The following RHEX variants were observed in gnomAD, a reference collection of about 807,000 sequenced individuals.
The protein encoded by RHEX is regulator of hemoglobinization and erythroid cell expansion, also known as regulator of hemoglobinization and erythroid cell expansion protein.
In RHEX, 18 loss-of-function variants were observed where a neutral mutation model predicts 20.1. The ratio of observed to expected loss-of-function variants is 0.90; its 90% confidence interval spans 0.62 to 1.33. The LOEUF (loss-of-function observed/expected upper bound fraction) is 1.33. Among genes scored for constraint, RHEX ranks in the 40% most tolerant of loss-of-function variants. The pLI is 0.00. For synonymous variants in RHEX, 87 were observed against 77.1 expected, an observed-to-expected ratio of 1.13 and a Z score of -0.67; for missense variants, 192 against 214.3, an observed-to-expected ratio of 0.90 and a Z score of 0.65.
intron 1 of RHEX, among the ~76,000 whole-genome samples, chr1:206,065,734 C>A (rs1240651327): frequency 1.3e-5 from 2 of 152,176 alleles, no homozygotes; most frequent in Non-Finnish European, 2.9e-5. Flanking sequence ...TCACCAGGAC[C>A]AGCATGTTGG....
At chr1:206,092,492 C>T (rs1231970815) in intron 1 of RHEX, among the ~76,000 whole-genome samples, 1 of 152,122 alleles carries the variant, frequency 6.6e-6, no homozygotes, top group Non-Finnish European at 1.5e-5. Flanking sequence ...ACTCCAGGTT[C>T]TTTGTCTTTA....
intron 1 of RHEX, among the ~76,000 whole-genome samples, chr1:206,078,365 C>T (rs1416743872): frequency 1.3e-5 from 2 of 151,916 alleles, no homozygotes; most frequent in Non-Finnish European, 2.9e-5. Flanking sequence ...CATAGTGAGA[C>T]CTCGTAGCTA....
At chr1:206,094,766 C>T (rs1464726322) in intron 1 of RHEX, among the ~76,000 whole-genome samples, 2 of 152,200 alleles carry the variant, frequency 1.3e-5, no homozygotes, top group Admixed American at 6.5e-5. Flanking sequence ...CCGGGCTCTT[C>T]TCAAACTCCC....
chr1:206,090,431 T>C (rs1571869774), intron 1 of RHEX, among the ~76,000 whole-genome samples: 1 of 152,104 alleles, frequency 6.6e-6, no homozygotes, highest in East Asian at 1.9e-4. Flanking sequence ...GGTCTCGAAC[T>C]CTTGACCTCA....
intron 1 of RHEX, among the ~76,000 whole-genome samples, chr1:206,096,176 A>T (rs782067084): frequency 6.6e-6 from 1 of 152,182 alleles, no homozygotes; most frequent in Non-Finnish European, 1.5e-5. Flanking sequence ...CATATTTTTA[A>T]TTCTTTGACT....
intron 1 of RHEX, chr1:206,060,894 A>G (rs1662297328): frequency 6.6e-6 from 1 of 152,118 alleles, no homozygotes; most frequent in Middle Eastern, 3.4e-3. Context: ...GGGGGCAGAG[A>G]TTGGGGTGTT....
At chr1:206,066,846 A>G (rs1325131441) in intron 1 of RHEX, among the ~76,000 whole-genome samples, 8 of 152,234 alleles carry the variant, frequency 5.3e-5, no homozygotes, top group Admixed American at 5.2e-4. Context: ...TTGTAGAAAC[A>G]GTATTAAAAT....
At chr1:206,089,732 GT>G (rs35286804) in intron 1 of RHEX, among the ~76,000 whole-genome samples, 1,983 of 145,374 alleles carry the variant, frequency 0.014, 50 homozygotes, top group Admixed American at 0.074. Context: ...ACTAGTTTCA[GT>G]TTTTTTTTTT....
At chr1:206,080,502 G>A (rs931124979) in intron 1 of RHEX, among the ~76,000 whole-genome samples, 2 of 152,190 alleles carry the variant, frequency 1.3e-5, no homozygotes, top group African/African-American at 4.8e-5. Flanking sequence ...GTTATCTTAC[G>A]AAATGGGCTA....
chr1:206,072,498 C>T (rs570401400), intron 1 of RHEX, among the ~76,000 whole-genome samples: 2 of 152,202 alleles, frequency 1.3e-5, no homozygotes, highest in South Asian at 4.2e-4. Context: ...ATAGCTTCAA[C>T]CTGGGAGGCG....
chr1:206,081,964 G>A (rs1478390009), intron 1 of RHEX, among the ~76,000 whole-genome samples: 2 of 152,218 alleles, frequency 1.3e-5, no homozygotes, highest in African/African-American at 2.4e-5. Flanking sequence ...AGCGAAGTGT[G>A]TATTGACACT....
At chr1:206,060,704 T>C (rs1553283234) in intron 1 of RHEX, 1 of 152,300 alleles carries the variant, frequency 6.6e-6, no homozygotes, top group Non-Finnish European at 1.5e-5. Context: ...ATGGTCCTCA[T>C]GTCTCTTAGT....
At chr1:206,065,263 G>T (rs1360887260) in intron 1 of RHEX, among the ~76,000 whole-genome samples, 2 of 145,098 alleles carry the variant, frequency 1.4e-5, no homozygotes, top group Non-Finnish European at 3.0e-5. Flanking sequence ...AAACACCCAA[G>T]AATGATCAAT....
At chr1:206,097,628 A>G in intron 1 of RHEX, 105 bp from the exon 2 acceptor site, 1 of 663,750 alleles carries the variant, frequency 1.5e-6, no homozygotes. Context: ...AGTATGATGA[A>G]TAAACTGGGC....
At chr1:206,063,973 A>T (rs540244291) in intron 1 of RHEX, among the ~76,000 whole-genome samples, 4 of 140,998 alleles carry the variant, frequency 2.8e-5, no homozygotes, top group Admixed American at 2.8e-4. Context: ...CCGCCATCCC[A>T]TCTAGGAAGT....
chr1:206,100,607 G>C (rs1663167725), intron 4 of RHEX, among the ~76,000 whole-genome samples: 1 of 152,304 alleles, frequency 6.6e-6, no homozygotes, highest in East Asian at 1.9e-4. Context: ...GCTAGAATCA[G>C]AGATTGTTTA....
chr1:206,058,899 C>T (rs1553282965), intron 1 of RHEX, among the ~76,000 whole-genome samples: 1 of 152,170 alleles, frequency 6.6e-6, no homozygotes, highest in East Asian at 1.9e-4. Context: ...TTGTCTGCGG[C>T]TCGTCCTGCT....
intron 3 of RHEX, 35 bp from the exon 4 acceptor site, chr1:206,099,620 G>C (rs1295100676): frequency 6.2e-7 from 1 of 1,607,122 alleles, no homozygotes; most frequent in Non-Finnish European, 8.5e-7. Context: ...CGCCTGGCCA[G>C]TTTCCACTTT....
chr1:206,097,866 C>A, intron 2 of RHEX, 27 bp downstream of exon 2: 1 of 1,506,968 alleles, frequency 6.6e-7, no homozygotes, highest in Non-Finnish European at 9.2e-7. Context: ...AGAGCAGGAG[C>A]AAGGTTCCCA....
Sources: gnomAD v4.1 joint callset for allele counts (sites outside exome capture counted in the v4.1 genomes callset) on GRCh38, gnomAD v4.1.1 for gene constraint, MANE v1.5 for transcripts, NCBI Gene and HGNC (gene_info 2026-07-23, HGNC 2026-07-21) for gene names.